Variants in TENM2 observed in about 807,000 individuals in gnomAD.
TENM2 encodes the protein teneurin transmembrane protein 2.
In TENM2, 52 loss-of-function variants were observed where a neutral mutation model predicts 245.2. The ratio of observed to expected loss-of-function variants is 0.21; its 90% confidence interval spans 0.17 to 0.27. The LOEUF (loss-of-function observed/expected upper bound fraction) is 0.27. Ranked by LOEUF, TENM2 falls within the 10% of genes least tolerant of loss-of-function variation. The pLI, the probability that TENM2 is intolerant of heterozygous loss-of-function variation, is 1.00. For missense variants in TENM2, 3,046 were observed against 3,666.8 expected, an observed-to-expected ratio of 0.83 and a Z score of 4.37; for synonymous variants, 1,363 against 1,438.9, an observed-to-expected ratio of 0.95 and a Z score of 1.19.
At chr5:167,363,923 T>C (rs1244205093) in intron 1 of TENM2, among the ~76,000 whole-genome samples, 2 of 152,020 alleles carry the variant, frequency 1.3e-5, no homozygotes, top group African/African-American at 4.8e-5. Context: ...ATATCAGTTT[T>C]ATAAATGAAA....
intron 16 of TENM2, among the ~76,000 whole-genome samples, chr5:168,199,588 A>G (rs1187693435): frequency 2.6e-5 from 4 of 152,216 alleles, no homozygotes; most frequent in Non-Finnish European, 4.4e-5. Context: ...TCTTATTTAC[A>G]TCTTTTGCCA....
At chr5:167,934,059 G>A (rs904382151) in intron 3 of TENM2, among the ~76,000 whole-genome samples, 2 of 152,196 alleles carry the variant, frequency 1.3e-5, no homozygotes, top group African/African-American at 4.8e-5. Flanking sequence ...GCACCTTATA[G>A]GAGGTGGTAC....
chr5:167,915,981 G>A (rs1255139963), intron 3 of TENM2, among the ~76,000 whole-genome samples: 2 of 152,184 alleles, frequency 1.3e-5, no homozygotes, highest in Non-Finnish European at 2.9e-5. Flanking sequence ...GGTCTCCTTG[G>A]GCCTCAGTTT....
intron 12 of TENM2, among the ~76,000 whole-genome samples, chr5:168,148,498 C>T (rs1403779517): frequency 6.6e-6 from 1 of 152,186 alleles, no homozygotes; most frequent in Non-Finnish European, 1.5e-5. Flanking sequence ...GTGGCCTCCC[C>T]ACCAAGTCCT....
chr5:167,441,800 C>A (rs1764895138), intron 2 of TENM2, among the ~76,000 whole-genome samples: 1 of 152,150 alleles, frequency 6.6e-6, no homozygotes, highest in African/African-American at 2.4e-5. Context: ...AGTTTATGTG[C>A]TTCTCTTGCG....
chr5:167,831,517 C>T (rs1490270812), intron 2 of TENM2, among the ~76,000 whole-genome samples: 2 of 138,158 alleles, frequency 1.4e-5, no homozygotes, highest in Admixed American at 7.7e-5. Flanking sequence ...AAGAATACTG[C>T]AGCCTTTCAT....
chr5:167,139,139 T>A, the TENM2 span, among the ~76,000 whole-genome samples: 2 of 152,326 alleles, frequency 1.3e-5, no homozygotes, highest in Non-Finnish European at 2.9e-5. Context: ...TGAAGTAATA[T>A]CAGGTAAGTA....
intron 3 of TENM2, among the ~76,000 whole-genome samples, chr5:167,882,987 C>T (rs1190494427): frequency 2.0e-5 from 3 of 152,178 alleles, no homozygotes. Flanking sequence ...GTTAGAGGCT[C>T]CCCAACTCCT....
At chr5:167,977,398 TGAA>T (rs1782520956) in intron 4 of TENM2, among the ~76,000 whole-genome samples, 1 of 152,164 alleles carries the variant, frequency 6.6e-6, no homozygotes, top group Admixed American at 6.5e-5. Context: ...TATAAAAAAT[TGAA>T]GAACTTAAAC....
chr5:167,642,699 G>C (rs941454034), intron 2 of TENM2, among the ~76,000 whole-genome samples: 2 of 152,184 alleles, frequency 1.3e-5, no homozygotes, highest in South Asian at 2.1e-4. Flanking sequence ...ATTGTAAAAG[G>C]ATTGGACATA....
chr5:168,005,164 A>G (rs1386104079), intron 5 of TENM2, among the ~76,000 whole-genome samples: 4 of 152,184 alleles, frequency 2.6e-5, no homozygotes, highest in Admixed American at 2.6e-4. Flanking sequence ...TGATATCCAT[A>G]TTGTAGTGAA....
chr5:167,654,766 GT>G (rs1480783195), intron 2 of TENM2, among the ~76,000 whole-genome samples: 3 of 152,014 alleles, frequency 2.0e-5, no homozygotes, highest in Non-Finnish European at 4.4e-5. Flanking sequence ...ATATGGGGTA[GT>G]GAATTTCATT....
At chr5:167,898,449 G>A (rs1336839588) in intron 3 of TENM2, among the ~76,000 whole-genome samples, 1 of 152,118 alleles carries the variant, frequency 6.6e-6, no homozygotes, top group Non-Finnish European at 1.5e-5. Context: ...CCAGTCACTG[G>A]AATCACCTCA....
chr5:167,630,874 C>G (rs1561618615), intron 2 of TENM2, among the ~76,000 whole-genome samples: 1 of 152,160 alleles, frequency 6.6e-6, no homozygotes, highest in African/African-American at 2.4e-5. Flanking sequence ...TCACCTGAGG[C>G]AAAATTATAC....
At chr5:167,431,966 T>TATATATATATAC (rs1157519701) in intron 2 of TENM2, among the ~76,000 whole-genome samples, 2 of 136,184 alleles carry the variant, frequency 1.5e-5, no homozygotes, top group African/African-American at 5.3e-5. Context: ...TATATGTATA[T>TATATATATATAC]ATATATATAT....
At chr5:167,364,220 C>T (rs1759902725) in intron 1 of TENM2, among the ~76,000 whole-genome samples, 2 of 151,758 alleles carry the variant, frequency 1.3e-5, no homozygotes, top group Admixed American at 1.3e-4. Flanking sequence ...AATAGAGGCA[C>T]AAAATATATC....
At chr5:167,009,545 C>T in the TENM2 span, among the ~76,000 whole-genome samples, 1 of 151,954 alleles carries the variant, frequency 6.6e-6, no homozygotes, top group Non-Finnish European at 1.5e-5. Flanking sequence ...AGTTTGTAGC[C>T]CCAGTGATAG....
chr5:168,067,114 C>T (rs1429540038), intron 7 of TENM2, among the ~76,000 whole-genome samples: 1 of 152,202 alleles, frequency 6.6e-6, no homozygotes, highest in Non-Finnish European at 1.5e-5. Flanking sequence ...ACTTCACCTT[C>T]TCCACAATCC....
intron 4 of TENM2, 104 bp downstream of exon 6, chr5:167,952,926 C>T (rs900114981): frequency 2.2e-6 from 2 of 929,156 alleles, no homozygotes; most frequent in Admixed American, 2.1e-5. Context: ...GAGAGACCCT[C>T]TGGGTATAAA....
Sources: allele counts gnomAD v4.1 joint callset (sites outside exome capture counted in the v4.1 genomes callset), GRCh38; gene constraint gnomAD v4.1.1; transcripts MANE v1.5; gene names NCBI Gene and HGNC (gene_info 2026-07-23, HGNC 2026-07-21).